Variants in RASD2 observed in about 807,000 individuals in gnomAD.
The protein encoded by RASD2 is RASD family member 2.
RASD2 carries 7 observed loss-of-function variants against 15.8 expected under a neutral mutation model. That is an observed-to-expected ratio of 0.44 (90% CI 0.25 to 0.83). The LOEUF (loss-of-function observed/expected upper bound fraction) is 0.83, where lower values mean the gene tolerates loss of function less well. RASD2 is among the 40% of genes least tolerant of loss of function. The pLI is 0.20. For synonymous variants in RASD2, 155 were observed against 153.6 expected (o/e 1.01, Z -0.07); for missense variants, 274 against 382.8 (o/e 0.72, Z 2.37).
At chr22:35,538,718 A>G (rs1415887587), upstream of RASD2, among the ~76,000 whole-genome samples, 2 of 152,134 alleles carry the variant, frequency 1.3e-5, no homozygotes, top group Non-Finnish European at 2.9e-5. Context: ...AGAAGCAGGG[A>G]GCAATTGGTT....
At chr22:35,542,042 C>T (rs754657434) in intron 1 of RASD2, among the ~76,000 whole-genome samples, 6 of 152,202 alleles carry the variant, frequency 3.9e-5, no homozygotes, top group Admixed American at 1.3e-4. Flanking sequence ...TGTAACTTAG[C>T]TGTCTTGGAG....
At chr22:35,533,718 G>GTGA in the RASD2 span, among the ~76,000 whole-genome samples, 1 of 22,316 alleles carries the variant, frequency 4.5e-5, no homozygotes, top group Middle Eastern at 0.017. Flanking sequence ...GATGGTGATG[G>GTGA]TGATGATGAT....
At chr22:35,542,480 C>T (rs974254326) in intron 1 of RASD2, among the ~76,000 whole-genome samples, 8 of 152,166 alleles carry the variant, frequency 5.3e-5, no homozygotes, top group African/African-American at 9.7e-5. Flanking sequence ...CCAGGGCTGC[C>T]GGGCTGGTGA....
upstream of RASD2, among the ~76,000 whole-genome samples, chr22:35,536,093 C>G (rs866132300): frequency 6.6e-6 from 1 of 152,212 alleles, no homozygotes; most frequent in South Asian, 2.1e-4. Context: ...CAGCCTGTTC[C>G]GGCTATCTGC....
Position 35,551,348 on chromosome 22 carries a change from C to T in RASD2, c.272-155C>T, listed in dbSNP as rs1934658891. 6.6e-6 allele frequency among the ~76,000 whole-genome samples: 1 copy of T among 152,156 alleles called. No homozygotes were observed. The highest frequency in any genetic ancestry group is 1.5e-5 in the Non-Finnish European group (1 of 68,022). On this transcript the variant is annotated intron_variant, in intron 2 of 2. Coordinates refer to ENST00000216127, the MANE Select transcript of RASD2 (RefSeq NM_014310.4). The surrounding 1 kb of genome is among the most constrained non-coding windows in gnomAD (Gnocchi z 4.9). ...TCGCAGGGAGAATAATCGCAGCTACCCCGAAGAGTCGCTGTGTAGGTTAAA... is the reference window on the plus strand; with the variant it reads ...TCGCAGGGAGAATAATCGCAGCTACTCCGAAGAGTCGCTGTGTAGGTTAAA...
In RASD2 at chr22:35,551,362, G is replaced by A. The variant is rs2145877620; in HGVS notation, c.272-141G>A. 1.3e-6 allele frequency: 1 copy of A among 790,594 alleles called. No homozygotes were observed. The highest frequency in any genetic ancestry group is 2.5e-5 in the East Asian group (1 of 40,586). 49.0% of individuals were successfully genotyped at this position (790,594 alleles called of 1,614,324 possible). A position where few individuals can be genotyped will look rare whatever the true frequency, so the allele number is the denominator to read the frequency against. On this transcript the variant is annotated intron_variant, in intron 2 of 2. Coordinates refer to ENST00000216127, the MANE Select transcript of RASD2 (RefSeq NM_014310.4). This position sits in a 1 kb window ranked among gnomAD's most constrained non-coding sequence, Gnocchi z 4.9. ...ATCGCAGCTACCCCGAAGAGTCGCT[G>A]TGTAGGTTAAAGCAGTTATGCCGCA...
At chr22:35,541,654 C>T (rs192127371) in intron 1 of RASD2, among the ~76,000 whole-genome samples, 154 bp downstream of exon 1, 2 of 152,320 alleles carry the variant, frequency 1.3e-5, no homozygotes, top group East Asian at 3.9e-4. Context: ...GATCGTCTGG[C>T]AACTTTGCAT....
the RASD2 span, among the ~76,000 whole-genome samples, chr22:35,533,492 G>T: frequency 2.0e-5 from 3 of 152,222 alleles, no homozygotes; most frequent in Non-Finnish European, 2.9e-5. Context: ...TGACGCTGAC[G>T]GTGATGGTGA....
chr22:35,548,727 G>A (rs8137058), intron 2 of RASD2, among the ~76,000 whole-genome samples: 24,527 of 152,200 alleles, frequency 0.16, 2,042 homozygotes, highest in South Asian at 0.19. Context: ...TTTGGAGAAG[G>A]GGCATGTAGA....
In RASD2 at chr22:35,551,628, C is replaced by A; in HGVS notation, c.397C>A (p.Leu133Met). The change falls in exon 3 of 3, where the codon CTG becomes ATG. Residue 133 changes from leucine to methionine, a missense_variant. Leu to Met is a conservative substitution (Grantham distance 15). Coordinates refer to ENST00000216127, the MANE Select transcript of RASD2 (RefSeq NM_014310.4). This position sits in a 1 kb window ranked among gnomAD's most constrained non-coding sequence, Gnocchi z 4.9. ...GAACAAGACCAAGGAGGCGGCGGAG[C>A]TGCCCATGGTCATCTGTGGCAACAA... ...LKNKTKEAAELPMVICGNKND... is the reference protein window; with the variant it reads ...LKNKTKEAAEMPMVICGNKND... 1 of 1,614,228 alleles carries A rather than the reference C, an allele frequency of 6.2e-7. No homozygotes were observed. The highest frequency in any genetic ancestry group is 1.1e-5 in the South Asian group (1 of 91,086).
chr22:35,535,643 G>GC, the RASD2 span, among the ~76,000 whole-genome samples: 1 of 152,170 alleles, frequency 6.6e-6, no homozygotes, highest in South Asian at 2.1e-4. Flanking sequence ...CTAGGAGCCT[G>GC]CTGGCAATCC....
At position 35,541,160 on chromosome 22, in the gene RASD2, G is replaced by C. The variant is rs1934336808; in HGVS notation, c.-350G>C. On this transcript the variant is annotated 5_prime_UTR_variant, in exon 1 of 3. Coordinates refer to ENST00000216127, the MANE Select transcript of RASD2 (RefSeq NM_014310.4). ...CCGAGAGCCCCAGGCGGGGACCCCCGGATCGGACGTCCCCAAGCCTCCGGG... is the reference window on the plus strand; with the variant it reads ...CCGAGAGCCCCAGGCGGGGACCCCCCGATCGGACGTCCCCAAGCCTCCGGG... The C allele has an allele frequency of 6.6e-6, 1 of 152,208 alleles. No homozygotes were observed. Among genetic ancestry groups the C allele is most frequent in the Non-Finnish European group, 1.5e-5 (1 of 68,116 alleles). 9.4% of individuals were successfully genotyped at this position (152,208 alleles called of 1,614,324 possible). A position where few individuals can be genotyped will look rare whatever the true frequency, so the allele number is the denominator to read the frequency against.
Position 35,540,844 on chromosome 22 carries a change from C to T in RASD2, c.-666C>T, listed in dbSNP as rs1182917778. On this transcript the variant is annotated 5_prime_UTR_variant, in exon 1 of 3. Transcript: ENST00000216127. Reference sequence around the variant, plus strand: ...CGCGCGCAGAGCAGAGCGCCCTGCTCCTCCTTCAGCTGCTGGCGTCGCCGC... The same window carrying T: ...CGCGCGCAGAGCAGAGCGCCCTGCTTCTCCTTCAGCTGCTGGCGTCGCCGC... 1 of 152,410 alleles carries T rather than the reference C, an allele frequency of 6.6e-6. No homozygotes were observed. Among genetic ancestry groups the T allele is most frequent in the East Asian group, 1.9e-4 (1 of 5,160 alleles). 9.4% of individuals were successfully genotyped at this position (152,410 alleles called of 1,614,324 possible).
intron 1 of RASD2, among the ~76,000 whole-genome samples, chr22:35,546,442 C>A (rs551094074): frequency 1.3e-5 from 2 of 152,312 alleles, no homozygotes; most frequent in East Asian, 3.9e-4. Context: ...CCCTTTGCAA[C>A]AACTCTATGA....
chr22:35,543,106 G>A (rs994384484), intron 1 of RASD2, among the ~76,000 whole-genome samples: 4 of 152,156 alleles, frequency 2.6e-5, no homozygotes, highest in Non-Finnish European at 5.9e-5. Flanking sequence ...TGTGTGAACT[G>A]GGGCAAGTGA....
chr22:35,546,999 G>T lies in RASD2; in HGVS notation c.190G>T (p.Gly64Cys). 1 of 1,614,104 alleles carries T rather than the reference G, an allele frequency of 6.2e-7. No individual in the cohort carries two copies. Among genetic ancestry groups the T allele is most frequent in the Non-Finnish European group, 8.5e-7 (1 of 1,180,038 alleles). ...CCACCGTAAGGTATACAACATCCGC[G>T]GCGACATGTACCAGCTCGACATCCT... Reference protein sequence around the residue: ...DFHRKVYNIRGDMYQLDILDT... With the variant: ...DFHRKVYNIRCDMYQLDILDT... The change falls in exon 2 of 3, where the codon GGC becomes TGC. Residue 64 changes from glycine to cysteine, a missense_variant. Gly to Cys is a radical substitution (Grantham distance 159). Coordinates refer to ENST00000216127, the MANE Select transcript of RASD2 (RefSeq NM_014310.4).
intron 1 of RASD2, among the ~76,000 whole-genome samples, chr22:35,545,605 G>T (rs1191400752): frequency 1.3e-5 from 2 of 152,168 alleles, no homozygotes; most frequent in Non-Finnish European, 1.5e-5. Flanking sequence ...CAGTTCAGGG[G>T]CTGGAAAGCT....
intron 1 of RASD2, among the ~76,000 whole-genome samples, chr22:35,541,808 C>G (rs1934354902): frequency 6.6e-6 from 1 of 152,152 alleles, no homozygotes; most frequent in South Asian, 2.1e-4. Flanking sequence ...ATTTAAAGAG[C>G]TAGAGTAATA....
intron 2 of RASD2, among the ~76,000 whole-genome samples, chr22:35,549,475 C>T (rs1569103093): frequency 1.3e-5 from 2 of 152,240 alleles, no homozygotes; most frequent in Non-Finnish European, 2.9e-5. Flanking sequence ...TGATGCTTGG[C>T]ATCGCAGTCT....
Sources: gnomAD v4.1 joint callset for allele counts (sites outside exome capture counted in the v4.1 genomes callset) on GRCh38, gnomAD v4.1.1 for gene constraint, Gnocchi (gnomAD v3.1) non-coding constraint, MANE v1.5 for transcripts, NCBI Gene and HGNC (gene_info 2026-07-23, HGNC 2026-07-21) for gene names.